NR3C2: variants seen among roughly 807,000 people sequenced by gnomAD.
NR3C2 encodes nuclear receptor subfamily 3 group C member 2.
Under a neutral mutation model 86.4 loss-of-function variants are expected in NR3C2, and 15 were observed. The observed-to-expected ratio is 0.17, with a 90% CI of 0.12 to 0.27. The LOEUF is 0.27. NR3C2 is among the 10% of genes least tolerant of loss of function. The pLI, the probability that NR3C2 is intolerant of heterozygous loss-of-function variation, is 1.00. For missense variants in NR3C2, 960 were observed against 1,195.6 expected (o/e 0.80, Z 2.91); for synonymous variants, 458 against 450.5 (o/e 1.02, Z -0.21).
intron 2 of NR3C2, among the ~76,000 whole-genome samples, chr4:148,268,073 G>A (rs1215106789): frequency 6.6e-6 from 1 of 151,620 alleles, no homozygotes; most frequent in African/African-American, 2.4e-5. Context: ...TGAGTAGCTG[G>A]GATTACAGGC....
At chr4:148,211,150 A>G (rs1737263002) in intron 3 of NR3C2, among the ~76,000 whole-genome samples, 1 of 152,232 alleles carries the variant, frequency 6.6e-6, no homozygotes, top group African/African-American at 2.4e-5. Context: ...AAACTAGTTA[A>G]AAGAATTCCA....
intron 2 of NR3C2, among the ~76,000 whole-genome samples, chr4:148,384,551 C>G (rs1747169981): frequency 6.6e-6 from 1 of 152,036 alleles, no homozygotes; most frequent in South Asian, 2.1e-4. Flanking sequence ...ACTTAATACT[C>G]AAGTCTAAGA....
intron 8 of NR3C2, among the ~76,000 whole-genome samples, chr4:148,089,859 G>A (rs569200462): frequency 4.6e-5 from 7 of 152,224 alleles, no homozygotes; most frequent in Non-Finnish European, 1.0e-4. Flanking sequence ...CCACCGCAGC[G>A]CTCGGGACCT....
At chr4:148,097,741 G>GTTTTTTTTTTTTTTT (rs1180902227) in intron 8 of NR3C2, among the ~76,000 whole-genome samples, 2 of 107,504 alleles carry the variant, frequency 1.9e-5, no homozygotes, top group Non-Finnish European at 3.6e-5. Context: ...ACTTTTTTGC[G>GTTTTTTTTTTTTTTT]TTTTTTTTTG....
intron 6 of NR3C2, among the ~76,000 whole-genome samples, chr4:148,124,891 A>G (rs1332687916): frequency 3.3e-5 from 5 of 152,172 alleles, no homozygotes; most frequent in Admixed American, 6.5e-5. Context: ...TTTCATGTTG[A>G]GGAGCTGAGA....
At chr4:148,337,907 T>C (rs969112226) in intron 2 of NR3C2, among the ~76,000 whole-genome samples, 8 of 152,288 alleles carry the variant, frequency 5.3e-5, no homozygotes, top group Middle Eastern at 3.4e-3. Context: ...AAAAATGGTA[T>C]AGATGTTGGT....
At chr4:148,204,095 T>G (rs1179007028) in intron 3 of NR3C2, among the ~76,000 whole-genome samples, 1 of 152,232 alleles carries the variant, frequency 6.6e-6, no homozygotes, top group Non-Finnish European at 1.5e-5. Flanking sequence ...CGTTTTTCAT[T>G]TTTTAAAATG....
chr4:148,396,369 T>G (rs1747861132), intron 2 of NR3C2, among the ~76,000 whole-genome samples: 1 of 152,224 alleles, frequency 6.6e-6, no homozygotes, highest in Non-Finnish European at 1.5e-5. Flanking sequence ...TCCATTAAAA[T>G]TTCAAGGCAA....
At chr4:148,251,272 A>G (rs1739564511) in intron 3 of NR3C2, among the ~76,000 whole-genome samples, 1 of 152,016 alleles carries the variant, frequency 6.6e-6, no homozygotes, top group Non-Finnish European at 1.5e-5. Context: ...TCTCCATCTA[A>G]TAGTCTTCCA....
chr4:148,162,435 A>C (rs150396454), intron 4 of NR3C2, among the ~76,000 whole-genome samples: 1 of 152,208 alleles, frequency 6.6e-6, no homozygotes, highest in East Asian at 1.9e-4. Context: ...CAAACTCAGG[A>C]ATGTGTGCAC....
At chr4:148,261,426 G>A (rs1393875493) in intron 2 of NR3C2, among the ~76,000 whole-genome samples, 2 of 152,002 alleles carry the variant, frequency 1.3e-5, no homozygotes, top group Admixed American at 6.5e-5. Context: ...GCTATGGTAA[G>A]CGCTATGGTG....
chr4:148,337,821 A>G (rs1366374468), intron 2 of NR3C2, among the ~76,000 whole-genome samples: 1 of 152,196 alleles, frequency 6.6e-6, no homozygotes, highest in Non-Finnish European at 1.5e-5. Flanking sequence ...CAGTATACAA[A>G]ATGGGACTTC....
chr4:148,127,055 C>T (rs750154424), intron 6 of NR3C2, among the ~76,000 whole-genome samples: 36 of 152,186 alleles, frequency 2.4e-4, no homozygotes, highest in Non-Finnish European at 4.0e-4. Flanking sequence ...TTATTCTTTG[C>T]TCCCCATTAT....
At chr4:148,216,987 C>A (rs1737571536) in intron 3 of NR3C2, among the ~76,000 whole-genome samples, 1 of 152,156 alleles carries the variant, frequency 6.6e-6, no homozygotes, top group South Asian at 2.1e-4. Context: ...TGGGGATAAG[C>A]CAAACGTGAA....
chr4:148,170,931 AG>A lies in NR3C2; in HGVS notation c.2015-16031del, dbSNP rs72653837. ...TGGCCAAGTACCCTGCCACACCCAA[AG>A]GGTGTATGTACTGACTGACAAGCAC... is the stretch of plus-strand genomic sequence containing the variant. On this transcript the variant is annotated intron_variant, in intron 4 of 8. Coordinates refer to ENST00000358102, the MANE Select transcript of NR3C2 (RefSeq NM_000901.5). Among the ~76,000 whole-genome samples the A allele has an allele frequency of 6.3e-3, 954 of 152,288 alleles. 9 individuals carry two copies. The highest frequency in any genetic ancestry group is 0.021 in the African/African-American group (884 of 41,552).
chr4:148,094,083 GAAGA>G (rs1301486445), intron 8 of NR3C2, among the ~76,000 whole-genome samples: 9 of 152,110 alleles, frequency 5.9e-5, no homozygotes, highest in Non-Finnish European at 1.0e-4. Context: ...CAAGATACAA[GAAGA>G]GATGCTTGAC....
chr4:148,443,517 C>T (rs982194974), upstream of NR3C2, among the ~76,000 whole-genome samples: 2 of 152,120 alleles, frequency 1.3e-5, no homozygotes, highest in Non-Finnish European at 2.9e-5. Context: ...TTTCGGTTTC[C>T]CTCCAACCGC....
intron 8 of NR3C2, among the ~76,000 whole-genome samples, chr4:148,087,942 TG>T (rs1553983558): frequency 6.6e-6 from 1 of 152,094 alleles, no homozygotes; most frequent in Non-Finnish European, 1.5e-5. Flanking sequence ...ACCTACAGAA[TG>T]GGAGAAAATT....
chr4:148,137,695 C>A (rs1189806009), intron 6 of NR3C2, among the ~76,000 whole-genome samples: 1 of 152,126 alleles, frequency 6.6e-6, no homozygotes, highest in Admixed American at 6.6e-5. Context: ...GGTCTGAGGA[C>A]GCCAGGGTGT....
Sources: allele counts gnomAD v4.1 joint callset (sites outside exome capture counted in the v4.1 genomes callset), GRCh38; gene constraint gnomAD v4.1.1; transcripts MANE v1.5; gene names NCBI Gene and HGNC (gene_info 2026-07-23, HGNC 2026-07-21).